The following PPP2R5E variants were observed in gnomAD, a reference collection of about 807,000 sequenced individuals.
PPP2R5E encodes protein phosphatase 2 regulatory subunit B'epsilon, also known as serine/threonine-protein phosphatase 2A 56 kDa regulatory subunit epsilon isoform.
A neutral mutation model predicts 65.3 loss-of-function variants in PPP2R5E; 4 were observed. The observed-to-expected ratio is 0.06, with a 90% CI of 0.03 to 0.14. The LOEUF is 0.14. Ranked by LOEUF, PPP2R5E falls within the 10% of genes least tolerant of loss-of-function variation. The pLI is 1.00. For missense variants in PPP2R5E, 274 were observed against 556.1 expected, an observed-to-expected ratio of 0.49 and a Z score of 5.10; for synonymous variants, 183 against 187.4, an observed-to-expected ratio of 0.98 and a Z score of 0.19.
rs957013527 is a variant in PPP2R5E at position 63,415,164 on chromosome 14, A to G, written c.525T>C (p.Tyr175=). The G allele has an allele frequency of 1.3e-6, 2 of 1,595,642 alleles. No individual in the cohort carries two copies. Among genetic ancestry groups the G allele is most frequent in the East Asian group, 2.2e-5 (1 of 44,670 alleles). ...CCTGTAATACAAATTTCTGATCTAT[A>G]TATTTTTTGGCAATGCTGGGTTGGA... ...QEFQPSIAKK[Y]IDQKFVLQLL... The change falls in exon 5 of 14, where the codon TAT becomes TAC. Residue 175 remains tyrosine (Y), a synonymous_variant. Transcript: ENST00000337537.
intron 5 of PPP2R5E, among the ~76,000 whole-genome samples, chr14:63,414,252 G>A (rs1216902785): frequency 6.6e-6 from 1 of 152,124 alleles, no homozygotes; most frequent in Non-Finnish European, 1.5e-5. Flanking sequence ...GTAAGGCACA[G>A]GAGACCAATT....
At position 63,468,257 on chromosome 14, in the gene PPP2R5E, T is replaced by C. The variant is rs563809251; in HGVS notation, c.158-14372A>G. 2.7e-5 allele frequency among the ~76,000 whole-genome samples: 4 copies of C among 150,846 alleles called. No individual in the cohort carries two copies. In the East Asian group the frequency reaches 7.7e-4, roughly 29 times the overall value. On this transcript the variant is annotated intron_variant, in intron 2 of 13. Coordinates refer to ENST00000337537, the MANE Select transcript of PPP2R5E (RefSeq NM_006246.5). ...GGCATTGTGTGAAACACAATGCCAGTCTTTTTTTTCAAAAATGAACAATAT... is the reference window on the plus strand; with the variant it reads ...GGCATTGTGTGAAACACAATGCCAGCCTTTTTTTTCAAAAATGAACAATAT...
chr14:63,414,647 G>C (rs78883849), intron 5 of PPP2R5E, among the ~76,000 whole-genome samples: 3 of 152,150 alleles, frequency 2.0e-5, no homozygotes, highest in Admixed American at 6.5e-5. Flanking sequence ...AATCCCTTTA[G>C]GGAAATTTTA....
intron 5 of PPP2R5E, among the ~76,000 whole-genome samples, chr14:63,406,193 C>T (rs1233764387): frequency 6.6e-6 from 1 of 151,990 alleles, no homozygotes; most frequent in Non-Finnish European, 1.5e-5. Flanking sequence ...GGGCAGATCA[C>T]GAGGTCAGGA....
chr14:63,486,290 C>T (rs888985186), intron 2 of PPP2R5E, among the ~76,000 whole-genome samples: 7 of 109,544 alleles, frequency 6.4e-5, no homozygotes, highest in Admixed American at 4.1e-4. Context: ...TTTCTTTCCC[C>T]ATTACACACA....
At chr14:63,424,850 A>T (rs1029905486) in intron 3 of PPP2R5E, among the ~76,000 whole-genome samples, 1 of 152,306 alleles carries the variant, frequency 6.6e-6, no homozygotes, top group African/African-American at 2.4e-5. Context: ...GATAATAGAA[A>T]AGAACTAGAG....
At chr14:63,532,108 T>TA (rs963095508) in intron 2 of PPP2R5E, among the ~76,000 whole-genome samples, 10 of 152,174 alleles carry the variant, frequency 6.6e-5, no homozygotes, top group African/African-American at 2.2e-4. Flanking sequence ...TTAAAATAGA[T>TA]ACACACATAC....
At chr14:63,438,809 C>T (rs73274603) in intron 3 of PPP2R5E, among the ~76,000 whole-genome samples, 11,851 of 152,124 alleles carry the variant, frequency 0.078, 1,378 homozygotes, top group African/African-American at 0.25. Context: ...CTTTAAAATC[C>T]TTGTCAGATT....
At chr14:63,398,867 T>C (rs1469673684) in intron 5 of PPP2R5E, among the ~76,000 whole-genome samples, 1 of 152,082 alleles carries the variant, frequency 6.6e-6, no homozygotes, top group Non-Finnish European at 1.5e-5. Context: ...AGAGGGATAA[T>C]AAAAAGTGTT....
intron 2 of PPP2R5E, among the ~76,000 whole-genome samples, chr14:63,530,746 C>G (rs558697396): frequency 1.4e-5 from 2 of 147,952 alleles, no homozygotes; most frequent in South Asian, 2.1e-4. Context: ...TCCCAAGTAG[C>G]TGGGATTACA....
chr14:63,391,517 G>A (rs571239924), intron 10 of PPP2R5E, among the ~76,000 whole-genome samples: 2 of 152,224 alleles, frequency 1.3e-5, no homozygotes, highest in Non-Finnish European at 2.9e-5. Flanking sequence ...TCTGCCTCCC[G>A]GGTTCAAGCG....
intron 2 of PPP2R5E, among the ~76,000 whole-genome samples, chr14:63,523,057 G>A (rs1473174595): frequency 4.6e-5 from 7 of 150,884 alleles, no homozygotes; most frequent in South Asian, 2.1e-4. Flanking sequence ...CCCTCTGCCC[G>A]GCCAGCCGCC....
At chr14:63,510,911 T>C (rs1892425678) in intron 2 of PPP2R5E, among the ~76,000 whole-genome samples, 1 of 152,178 alleles carries the variant, frequency 6.6e-6, no homozygotes, top group Non-Finnish European at 1.5e-5. Flanking sequence ...CAAAAGATGA[T>C]AGTGGTTTGG....
At chr14:63,393,426 G>A (rs181740452) in intron 8 of PPP2R5E, among the ~76,000 whole-genome samples, 9 of 152,188 alleles carry the variant, frequency 5.9e-5, no homozygotes, top group East Asian at 5.8e-4. Context: ...GAATGAAGGC[G>A]ATAGGCCCGG....
intron 2 of PPP2R5E, among the ~76,000 whole-genome samples, chr14:63,516,613 A>G (rs148508543): frequency 6.6e-6 from 1 of 152,328 alleles, no homozygotes; most frequent in East Asian, 1.9e-4. Flanking sequence ...CTGTCCACGT[A>G]TCATCAACGT....
chr14:63,445,331 G>A (rs760837110), intron 3 of PPP2R5E, among the ~76,000 whole-genome samples: 5 of 152,170 alleles, frequency 3.3e-5, no homozygotes, highest in Non-Finnish European at 5.9e-5. Flanking sequence ...ACAATACACC[G>A]TAGTCTATAA....
At chr14:63,449,313 A>G (rs1445405590) in intron 3 of PPP2R5E, among the ~76,000 whole-genome samples, 1 of 152,242 alleles carries the variant, frequency 6.6e-6, no homozygotes, top group African/African-American at 2.4e-5. Context: ...GGAGTATTTT[A>G]AGTACAAAGA....
chr14:63,489,847 T>A (rs115285755), intron 2 of PPP2R5E, among the ~76,000 whole-genome samples: 3,615 of 152,168 alleles, frequency 0.024, 126 homozygotes, highest in African/African-American at 0.078. Context: ...AGCTACATTA[T>A]CTATGTTTAA....
chr14:63,376,830 C>T (rs1234652635), intron 13 of PPP2R5E, among the ~76,000 whole-genome samples: 7 of 152,174 alleles, frequency 4.6e-5, no homozygotes. Context: ...AAATAATTCA[C>T]TACACTGTCT....
Sources: allele counts gnomAD v4.1 joint callset (sites outside exome capture counted in the v4.1 genomes callset), GRCh38; gene constraint gnomAD v4.1.1; transcripts MANE v1.5; gene names NCBI Gene and HGNC (gene_info 2026-07-23, HGNC 2026-07-21).